TENM3: variants seen among roughly 807,000 people sequenced by gnomAD.
TENM3 encodes the protein teneurin-3.
A neutral mutation model predicts 255.1 loss-of-function variants in TENM3; 63 were observed. That is an observed-to-expected ratio of 0.25 (90% CI 0.20 to 0.30). The LOEUF (loss-of-function observed/expected upper bound fraction) is 0.30, where lower values mean the gene tolerates loss of function less well. TENM3 is among the 10% of genes least tolerant of loss of function. TENM3 has a pLI of 1.00. For synonymous variants in TENM3, 1,306 were observed against 1,322.3 expected, an observed-to-expected ratio of 0.99 and a Z score of 0.27; for missense variants, 2,929 against 3,461.1, an observed-to-expected ratio of 0.85 and a Z score of 3.86.
At chr4:181,780,443 A>G in the TENM3 span, among the ~76,000 whole-genome samples, 1 of 152,164 alleles carries the variant, frequency 6.6e-6, no homozygotes, top group Non-Finnish European at 1.5e-5. Context: ...TTCTTTTAGA[A>G]GTGTCTGTTA....
chr4:182,775,973 G>A (rs1764657445), intron 24 of TENM3, among the ~76,000 whole-genome samples: 1 of 151,860 alleles, frequency 6.6e-6, no homozygotes, highest in East Asian at 1.9e-4. Flanking sequence ...TAGATAGATA[G>A]ATAGATTATA....
At chr4:181,719,708 CA>C in the TENM3 span, among the ~76,000 whole-genome samples, 3 of 152,102 alleles carry the variant, frequency 2.0e-5, no homozygotes, top group African/African-American at 7.2e-5. Flanking sequence ...AACATTCAGC[CA>C]GGGGGAGACA....
the TENM3 span, among the ~76,000 whole-genome samples, chr4:181,840,276 T>C: frequency 6.6e-6 from 1 of 152,116 alleles, no homozygotes; most frequent in Non-Finnish European, 1.5e-5. Context: ...GACATTTTAG[T>C]ATACTTATTT....
At chr4:182,736,670 C>T (rs1482825781) in intron 16 of TENM3, 138 bp from the exon 17 acceptor site, 2 of 813,050 alleles carry the variant, frequency 2.5e-6, no homozygotes, top group Non-Finnish European at 3.7e-6. Flanking sequence ...AAAATAAGCA[C>T]ATTGTCTTTG....
chr4:182,027,259 T>G, the TENM3 span, among the ~76,000 whole-genome samples: 104 of 152,282 alleles, frequency 6.8e-4, no homozygotes, highest in African/African-American at 2.5e-3. Flanking sequence ...ATTACTTTTT[T>G]GATTTCTCTT....
chr4:182,308,030 C>G (rs1315987138), intron 1 of TENM3, among the ~76,000 whole-genome samples: 1 of 152,350 alleles, frequency 6.6e-6, no homozygotes, highest in East Asian at 1.9e-4. Context: ...ACATTTTTAT[C>G]TACTGACTAG....
At chr4:181,742,109 T>G in the TENM3 span, among the ~76,000 whole-genome samples, 6 of 152,208 alleles carry the variant, frequency 3.9e-5, no homozygotes, top group Admixed American at 2.0e-4. Context: ...TGTTTGACCT[T>G]GCTTGTAACT....
chr4:181,544,793 G>GA, the TENM3 span, among the ~76,000 whole-genome samples: 1 of 152,116 alleles, frequency 6.6e-6, no homozygotes, highest in East Asian at 1.9e-4. Flanking sequence ...TAGTCCATGA[G>GA]AAAAAATGAT....
intron 7 of TENM3, among the ~76,000 whole-genome samples, chr4:182,677,047 C>G (rs189850810): frequency 1.1e-4 from 16 of 152,274 alleles, no homozygotes; most frequent in Non-Finnish European, 2.2e-4. Flanking sequence ...CAAAGCAAAA[C>G]TCACATTTGC....
chr4:181,948,438 T>TGG, the TENM3 span, among the ~76,000 whole-genome samples: 15 of 152,230 alleles, frequency 9.9e-5, 1 homozygote, highest in South Asian at 3.1e-3. Flanking sequence ...GTTTTTAAGA[T>TGG]GGAGTCTGGC....
intron 3 of TENM3, among the ~76,000 whole-genome samples, chr4:182,361,621 C>G (rs1292492310): frequency 6.6e-6 from 1 of 151,794 alleles, no homozygotes; most frequent in Non-Finnish European, 1.5e-5. Flanking sequence ...ATACATTCGT[C>G]TAAATTTTTT....
At chr4:182,538,833 G>A (rs1740589406) in intron 3 of TENM3, among the ~76,000 whole-genome samples, 1 of 152,030 alleles carries the variant, frequency 6.6e-6, no homozygotes. Flanking sequence ...AGGATGGCTG[G>A]TGGTACCATT....
At chr4:181,764,514 A>T in the TENM3 span, among the ~76,000 whole-genome samples, 3 of 152,214 alleles carry the variant, frequency 2.0e-5, no homozygotes, top group Non-Finnish European at 4.4e-5. Flanking sequence ...TTGGTACTTT[A>T]TCTGGCCATC....
intron 26 of TENM3, among the ~76,000 whole-genome samples, chr4:182,795,684 T>C (rs754201683): frequency 2.0e-5 from 3 of 152,182 alleles, no homozygotes; most frequent in Non-Finnish European, 4.4e-5. Context: ...AGGGGCTGAC[T>C]GAAAGTCTGG....
At chr4:182,340,637 C>A (rs1764429518) in intron 2 of TENM3, among the ~76,000 whole-genome samples, 1 of 152,020 alleles carries the variant, frequency 6.6e-6, no homozygotes, top group South Asian at 2.1e-4. Context: ...TTGGAATGTC[C>A]CATAAAATAT....
At chr4:182,161,234 G>A (rs1298245975) in intron 1 of TENM3, among the ~76,000 whole-genome samples, 6 of 140,474 alleles carry the variant, frequency 4.3e-5, no homozygotes, top group African/African-American at 1.6e-4. Context: ...GGCTAACACG[G>A]TGAAACCCCG....
At chr4:181,791,479 G>T in the TENM3 span, among the ~76,000 whole-genome samples, 2 of 152,182 alleles carry the variant, frequency 1.3e-5, no homozygotes, top group Non-Finnish European at 2.9e-5. Context: ...TAAACAAAGT[G>T]TGAAGAATTT....
chr4:182,201,932 T>G (rs1293963184), intron 1 of TENM3, among the ~76,000 whole-genome samples: 1 of 152,228 alleles, frequency 6.6e-6, no homozygotes, highest in Admixed American at 6.5e-5. Context: ...GGTATTTTGG[T>G]AGAAACACCA....
At chr4:182,545,878 C>T (rs1741390971) in intron 3 of TENM3, among the ~76,000 whole-genome samples, 1 of 152,168 alleles carries the variant, frequency 6.6e-6, no homozygotes, top group Non-Finnish European at 1.5e-5. Flanking sequence ...ACCCCATCTA[C>T]ACAGTCAAAA....
Sources: allele counts gnomAD v4.1 joint callset (sites outside exome capture counted in the v4.1 genomes callset), GRCh38; gene constraint gnomAD v4.1.1; transcripts MANE v1.5; gene names NCBI Gene and HGNC (gene_info 2026-07-23, HGNC 2026-07-21).